Variants in SIL1 observed in about 807,000 individuals in gnomAD.
SIL1 encodes SIL1 nucleotide exchange factor.
SIL1 carries 40 observed loss-of-function variants against 49.1 expected under a neutral mutation model. The observed-to-expected ratio is 0.81, with a 90% CI of 0.63 to 1.06. The LOEUF (loss-of-function observed/expected upper bound fraction) is 1.06. SIL1 is among the 50% of genes least tolerant of loss of function. The pLI is 0.00. For missense variants in SIL1, 500 were observed against 572.6 expected, an observed-to-expected ratio of 0.87 and a Z score of 1.29; for synonymous variants, 253 against 250.8, an observed-to-expected ratio of 1.01 and a Z score of -0.08.
At chr5:139,066,660 G>A (rs556696478) in intron 3 of SIL1, among the ~76,000 whole-genome samples, 65 of 152,128 alleles carry the variant, frequency 4.3e-4, no homozygotes, top group African/African-American at 1.4e-3. Context: ...CAGGTTTTAG[G>A]AAAATTAAAA....
At chr5:138,960,059 T>A (rs537426888) in intron 7 of SIL1, among the ~76,000 whole-genome samples, 1 of 152,326 alleles carries the variant, frequency 6.6e-6, no homozygotes, top group South Asian at 2.1e-4. Flanking sequence ...ATATATTTAT[T>A]TCTGGGTGGT....
intron 1 of SIL1, among the ~76,000 whole-genome samples, chr5:139,132,304 G>A (rs1463695238): frequency 6.6e-6 from 1 of 152,188 alleles, no homozygotes; most frequent in African/African-American, 2.4e-5. Flanking sequence ...GGAGTGGAGG[G>A]TGAGAGAAAT....
At chr5:139,034,526 G>A (rs1768860988) in intron 5 of SIL1, 1 of 151,984 alleles carries the variant, frequency 6.6e-6, no homozygotes, top group Non-Finnish European at 1.5e-5. Flanking sequence ...ATTGTTCTAA[G>A]TATTATAATA....
chr5:139,089,210 A>G (rs778193398), intron 3 of SIL1, among the ~76,000 whole-genome samples: 5 of 152,210 alleles, frequency 3.3e-5, no homozygotes, highest in Non-Finnish European at 5.9e-5. Flanking sequence ...AAACAGTGGG[A>G]AAAGATTTCA....
At position 139,127,870 on chromosome 5, in the gene SIL1, A is replaced by G. The variant is rs763825584; in HGVS notation, c.-10-17T>C. 2.0e-6 allele frequency: 3 copies of G among 1,472,446 alleles called. No individual in the cohort carries two copies. Among genetic ancestry groups the G allele is most frequent in the African/African-American group, 1.4e-5 (1 of 71,736 alleles). The allele number at this position is 1,472,446 out of a possible 1,614,324, so 91.2% of individuals were successfully genotyped here. ...GTCAGGGACCTGCAGGTGCAAGCAT[A>G]GACAACAGAAGGTCAATGAAAAGCT... On this transcript the variant is annotated splice_polypyrimidine_tract_variant and intron_variant, in intron 1 of 9. Coordinates refer to ENST00000394817, the MANE Select transcript of SIL1 (RefSeq NM_022464.5).
chr5:139,062,656 G>A (rs539321971), intron 3 of SIL1, among the ~76,000 whole-genome samples: 1 of 152,208 alleles, frequency 6.6e-6, no homozygotes, highest in African/African-American at 2.4e-5. Flanking sequence ...ATTCACAAGA[G>A]TAACGCTTTC....
chr5:139,073,531 G>A (rs767935066), intron 3 of SIL1, among the ~76,000 whole-genome samples: 1 of 152,106 alleles, frequency 6.6e-6, no homozygotes, highest in Non-Finnish European at 1.5e-5. Context: ...CCAGGACTGC[G>A]GTAGTTGAGG....
At chr5:139,011,925 T>A (rs1039805485) in intron 7 of SIL1, among the ~76,000 whole-genome samples, 18 of 152,222 alleles carry the variant, frequency 1.2e-4, no homozygotes, top group Admixed American at 7.9e-4. Flanking sequence ...ATAATCCCCA[T>A]GGACTCTTCA....
intron 3 of SIL1, among the ~76,000 whole-genome samples, chr5:139,091,299 T>C (rs1464324498): frequency 1.3e-5 from 2 of 152,032 alleles, no homozygotes; most frequent in Non-Finnish European, 1.5e-5. Flanking sequence ...AGGTAAAGTA[T>C]CTGCAATTTA....
At chr5:139,072,869 A>G (rs1353456977) in intron 3 of SIL1, among the ~76,000 whole-genome samples, 1 of 152,202 alleles carries the variant, frequency 6.6e-6, no homozygotes, top group Non-Finnish European at 1.5e-5. Context: ...GCAAAAAACA[A>G]ATAACCTGAT....
At chr5:139,037,604 T>C (rs1768946473) in intron 5 of SIL1, among the ~76,000 whole-genome samples, 2 of 152,226 alleles carry the variant, frequency 1.3e-5, no homozygotes, top group Admixed American at 1.3e-4. Context: ...TACTGATTCT[T>C]TTCTCTGTCA....
Position 138,947,071 on chromosome 5 carries a change from C to T in SIL1, c.*46G>A, listed in dbSNP as rs774822207. 2.0e-6 allele frequency: 3 copies of T among 1,493,518 alleles called. No individual in the cohort carries two copies. Among genetic ancestry groups the T allele is most frequent in the Non-Finnish European group, 2.8e-6 (3 of 1,080,504 alleles). 92.5% of individuals were successfully genotyped at this position (1,493,518 alleles called of 1,614,324 possible). The stretch of plus-strand genomic sequence containing the variant: ...TGAGAAGCCCACCCACGCTGGCACC[C>T]CTCAGCCTCACTAGCGGCATCCCAG... On this transcript the variant is annotated 3_prime_UTR_variant, in exon 10 of 10. Transcript: ENST00000394817. This position sits in a 1 kb window ranked among gnomAD's most constrained non-coding sequence, Gnocchi z 4.1.
chr5:139,169,320 C>T (rs1329336884), intron 1 of SIL1, among the ~76,000 whole-genome samples: 6 of 152,178 alleles, frequency 3.9e-5, no homozygotes, highest in Admixed American at 1.3e-4. Flanking sequence ...AAAACAAAAA[C>T]GAAAACCACA....
At chr5:139,140,737 A>G (rs1751063674) in intron 1 of SIL1, among the ~76,000 whole-genome samples, 1 of 152,178 alleles carries the variant, frequency 6.6e-6, no homozygotes, top group Non-Finnish European at 1.5e-5. Flanking sequence ...AAAGAAACCT[A>G]AACTCAGTAC....
intron 1 of SIL1, among the ~76,000 whole-genome samples, chr5:139,146,090 C>A (rs1751191946): frequency 6.6e-6 from 1 of 152,070 alleles, no homozygotes; most frequent in South Asian, 2.1e-4. Flanking sequence ...GTGATTGCCC[C>A]ACCTTGGCCT....
intron 1 of SIL1, among the ~76,000 whole-genome samples, chr5:139,139,125 C>T (rs1295720749): frequency 6.6e-6 from 1 of 152,216 alleles, no homozygotes; most frequent in Non-Finnish European, 1.5e-5. Flanking sequence ...ACCTAGACTG[C>T]TGGGACCACT....
intron 1 of SIL1, among the ~76,000 whole-genome samples, chr5:139,169,999 T>C (rs922437543): frequency 3.3e-5 from 5 of 152,244 alleles, no homozygotes; most frequent in African/African-American, 9.6e-5. Context: ...GCCAAGTGCC[T>C]GCGATTACAG....
intron 7 of SIL1, among the ~76,000 whole-genome samples, chr5:138,989,433 G>A (rs957155823): frequency 1.3e-5 from 2 of 152,122 alleles, no homozygotes; most frequent in African/African-American, 4.8e-5. Context: ...ATGAACCTCT[G>A]TGTACAGACT....
intron 5 of SIL1, among the ~76,000 whole-genome samples, chr5:139,033,813 C>T (rs1011058655): frequency 5.3e-5 from 8 of 152,108 alleles, no homozygotes; most frequent in Admixed American, 4.6e-4. Context: ...ATGGAATGTT[C>T]CATAAATGTC....
Sources: allele counts gnomAD v4.1 joint callset (sites outside exome capture counted in the v4.1 genomes callset), GRCh38; gene constraint gnomAD v4.1.1; non-coding constraint Gnocchi (gnomAD v3.1); transcripts MANE v1.5; gene names NCBI Gene and HGNC (gene_info 2026-07-23, HGNC 2026-07-21).